The following PDLIM5 variants were observed in gnomAD, a reference collection of about 807,000 sequenced individuals.
The protein encoded by PDLIM5 is PDZ and LIM domain protein 5.
Under a neutral mutation model 64.2 loss-of-function variants are expected in PDLIM5, and 34 were observed. The ratio of observed to expected loss-of-function variants is 0.53; its 90% CI spans 0.40 to 0.71. PDLIM5 has a LOEUF of 0.71. Ranked by LOEUF, PDLIM5 falls within the 30% of genes least tolerant of loss-of-function variation. The pLI is 0.00. For synonymous variants in PDLIM5, 253 were observed against 269.1 expected (o/e 0.94, Z 0.59); for missense variants, 683 against 733.6 (o/e 0.93, Z 0.80).
At chr4:94,565,076 GAC>G (rs1415571584) in intron 3 of PDLIM5, among the ~76,000 whole-genome samples, 9 of 152,174 alleles carry the variant, frequency 5.9e-5, no homozygotes, top group African/African-American at 1.9e-4. Context: ...TTAAGGAAAA[GAC>G]ACAGCATGAG....
At chr4:94,640,230 T>C in intron 8 of PDLIM5, 46 bp from the exon 9 acceptor site, 1 of 1,012,614 alleles carries the variant, frequency 9.9e-7, no homozygotes, top group Middle Eastern at 2.1e-4. Flanking sequence ...AGGAAAGGTT[T>C]ATATGTGGCT....
intron 11 of PDLIM5, 59 bp from the exon 12 acceptor site, chr4:94,662,363 C>A: frequency 1.3e-6 from 1 of 788,466 alleles, no homozygotes; most frequent in South Asian, 1.6e-5. Context: ...CTTCTAGGAA[C>A]GATCATTCTA....
chr4:94,655,562 A>G (rs972665482), intron 10 of PDLIM5, among the ~76,000 whole-genome samples: 1 of 152,202 alleles, frequency 6.6e-6, no homozygotes, highest in African/African-American at 2.4e-5. Context: ...AAAATTATAT[A>G]TATGTCACCT....
intron 2 of PDLIM5, among the ~76,000 whole-genome samples, chr4:94,520,000 T>C (rs1169273770): frequency 6.6e-6 from 1 of 152,172 alleles, no homozygotes; most frequent in African/African-American, 2.4e-5. Flanking sequence ...ATAACTGATA[T>C]TAGATCCTTT....
chr4:94,452,891 C>T (rs1382421760), intron 1 of PDLIM5, among the ~76,000 whole-genome samples: 3 of 152,188 alleles, frequency 2.0e-5, no homozygotes, highest in African/African-American at 7.2e-5. Context: ...ACTGTCCTGT[C>T]GGCTGCTTTC....
chr4:94,625,347 T>C (rs1739580207), intron 8 of PDLIM5, among the ~76,000 whole-genome samples: 1 of 152,184 alleles, frequency 6.6e-6, no homozygotes, highest in African/African-American at 2.4e-5. Context: ...AACGTGTCCA[T>C]GGAGGCAGGC....
chr4:94,542,216 G>A (rs1203358497), intron 3 of PDLIM5, among the ~76,000 whole-genome samples: 1 of 152,076 alleles, frequency 6.6e-6, no homozygotes, highest in Non-Finnish European at 1.5e-5. Context: ...GGAGGCTGAG[G>A]CATGAGAATT....
chr4:94,461,834 G>A (rs2126080655), intron 2 of PDLIM5, among the ~76,000 whole-genome samples: 1 of 151,840 alleles, frequency 6.6e-6, no homozygotes, highest in South Asian at 2.1e-4. Flanking sequence ...GTTAATAGGA[G>A]GGAATGAGAA....
intron 3 of PDLIM5, among the ~76,000 whole-genome samples, chr4:94,558,548 G>T (rs956560856): frequency 4.6e-5 from 7 of 152,094 alleles, no homozygotes; most frequent in Admixed American, 1.3e-4. Flanking sequence ...TCCTAAGGTG[G>T]TGTTACAGCA....
chr4:94,585,539 A>AT, intron 5 of PDLIM5, 26 bp from the exon 6 acceptor site: 1 of 1,447,964 alleles, frequency 6.9e-7, no homozygotes. Flanking sequence ...TACAATTTTT[A>AT]ATTTTTTTTT....
intron 3 of PDLIM5, among the ~76,000 whole-genome samples, chr4:94,524,287 T>C (rs746816623): frequency 1.3e-5 from 2 of 148,886 alleles, no homozygotes; most frequent in Middle Eastern, 3.5e-3. Context: ...GAGGATTGCT[T>C]GAGCCCAGGA....
At chr4:94,470,180 G>A (rs768157949) in intron 2 of PDLIM5, among the ~76,000 whole-genome samples, 1 of 151,802 alleles carries the variant, frequency 6.6e-6, no homozygotes, top group East Asian at 1.9e-4. Flanking sequence ...TAGCCAGTAT[G>A]GTCTTGATCT....
At chr4:94,486,067 A>G (rs1578235309) in intron 2 of PDLIM5, among the ~76,000 whole-genome samples, 2 of 152,184 alleles carry the variant, frequency 1.3e-5, no homozygotes, top group African/African-American at 2.4e-5. Flanking sequence ...AATCCTATAC[A>G]TCTAAGTTCT....
intron 4 of PDLIM5, chr4:94,573,680 A>G (rs962334982): frequency 2.6e-6 from 1 of 382,312 alleles, no homozygotes; most frequent in African/African-American, 2.0e-5. Context: ...CTTTATCCAA[A>G]TCCTTATATT....
At chr4:94,507,180 T>G (rs779683092) in intron 2 of PDLIM5, among the ~76,000 whole-genome samples, 1 of 152,082 alleles carries the variant, frequency 6.6e-6, no homozygotes, top group African/African-American at 2.4e-5. Flanking sequence ...GGACTTCATC[T>G]TGTGATCATG....
intron 7 of PDLIM5, among the ~76,000 whole-genome samples, chr4:94,616,412 C>A (rs566651659): frequency 6.6e-6 from 1 of 152,112 alleles, no homozygotes; most frequent in East Asian, 1.9e-4. Flanking sequence ...TTATTTAAGC[C>A]TCGTAGAAAT....
intron 9 of PDLIM5, among the ~76,000 whole-genome samples, chr4:94,653,293 G>A (rs1215943332): frequency 6.6e-6 from 1 of 152,052 alleles, no homozygotes; most frequent in Non-Finnish European, 1.5e-5. Context: ...CTGTTAAACT[G>A]AATTCATAAT....
chr4:94,618,882 A>G (rs770915855), intron 8 of PDLIM5, among the ~76,000 whole-genome samples: 9 of 152,214 alleles, frequency 5.9e-5, no homozygotes, highest in African/African-American at 2.2e-4. Context: ...TTTAACAGGA[A>G]AATGGGACTG....
rs750811930 is a variant in PDLIM5 at position 94,575,974 on chromosome 4, C to T, written c.650C>T (p.Ser217Phe). The change falls in exon 5 of 13, where the codon TCT (serine) becomes TTT (phenylalanine). Residue 217 changes from serine to phenylalanine, a missense_variant. By Grantham distance (155) the Ser-to-Phe change is radical. Coordinates refer to ENST00000317968, the MANE Select transcript of PDLIM5 (RefSeq NM_006457.5). ...PTVTSVCSET[S>F]QELAEGQRRG... Reference sequence around the variant, plus strand: ...GTCACCAGCGTGTGTTCCGAGACTTCTCAGGAGCTAGCAGAGGGACAGAGA... The same window carrying T: ...GTCACCAGCGTGTGTTCCGAGACTTTTCAGGAGCTAGCAGAGGGACAGAGA... 18 of 1,614,032 alleles carry T rather than the reference C, an allele frequency of 1.1e-5. 1 individual carries two copies. In the South Asian group the frequency reaches 2.0e-4, roughly 18 times the overall value.
Sources: gnomAD v4.1 joint callset for allele counts (sites outside exome capture counted in the v4.1 genomes callset) on GRCh38, gnomAD v4.1.1 for gene constraint, MANE v1.5 for transcripts, NCBI Gene and HGNC (gene_info 2026-07-23, HGNC 2026-07-21) for gene names.